The following CENPW variants were observed in gnomAD, a reference collection of about 807,000 sequenced individuals.
The protein encoded by CENPW is centromere protein W.
A neutral mutation model predicts 11.1 loss-of-function variants in CENPW; 3 were observed. That is an observed-to-expected ratio of 0.27 (90% CI 0.12 to 0.70). The LOEUF (loss-of-function observed/expected upper bound fraction) is 0.70. CENPW is among the 30% of genes least tolerant of loss of function. The pLI, the probability that CENPW is intolerant of heterozygous loss-of-function variation, is 0.77. For missense variants in CENPW, 100 were observed against 105.6 expected (o/e 0.95, Z 0.23); for synonymous variants, 38 against 42.0 (o/e 0.91, Z 0.37).
At chr6:126,481,397 G>A in the CENPW span, among the ~76,000 whole-genome samples, 9 of 152,114 alleles carry the variant, frequency 5.9e-5, no homozygotes, top group African/African-American at 2.2e-4. Context: ...ATAAAGAAAA[G>A]AGATTTATTT....
At chr6:126,431,712 C>A in the CENPW span, among the ~76,000 whole-genome samples, 2 of 152,036 alleles carry the variant, frequency 1.3e-5, no homozygotes, top group Non-Finnish European at 2.9e-5. Context: ...AAATATGCAA[C>A]CCACGTTGTT....
At chr6:126,402,939 C>A in the CENPW span, among the ~76,000 whole-genome samples, 1 of 151,922 alleles carries the variant, frequency 6.6e-6, no homozygotes, top group South Asian at 2.1e-4. Flanking sequence ...CTATCAATGC[C>A]ATTTTTTCAA....
At chr6:126,363,032 T>C in the CENPW span, among the ~76,000 whole-genome samples, 2 of 152,234 alleles carry the variant, frequency 1.3e-5, no homozygotes, top group Non-Finnish European at 2.9e-5. Flanking sequence ...CCTATGTTAG[T>C]CTCAATTTGA....
downstream of CENPW, among the ~76,000 whole-genome samples, chr6:126,353,032 A>G (rs1780509637): frequency 6.6e-6 from 1 of 152,080 alleles, no homozygotes; most frequent in South Asian, 2.1e-4. Flanking sequence ...CTAGAACCTT[A>G]GAAGGCTTTA....
At chr6:126,385,728 C>T in the CENPW span, among the ~76,000 whole-genome samples, 4 of 152,156 alleles carry the variant, frequency 2.6e-5, no homozygotes, top group South Asian at 8.3e-4. Flanking sequence ...GGCTCTTCCC[C>T]ATTTGCTTGG....
chr6:126,349,885 G>A (rs989298567), downstream of CENPW, among the ~76,000 whole-genome samples: 6 of 151,982 alleles, frequency 3.9e-5, no homozygotes, highest in Admixed American at 2.0e-4. Context: ...GAATCTTGCT[G>A]TGTCACTTAA....
chr6:126,474,532 A>T, the CENPW span, among the ~76,000 whole-genome samples: 1 of 152,110 alleles, frequency 6.6e-6, no homozygotes, highest in Non-Finnish European at 1.5e-5. Context: ...TTCCCAAAAG[A>T]GTTATTAGGG....
the CENPW span, among the ~76,000 whole-genome samples, chr6:126,445,829 T>A: frequency 1.3e-5 from 2 of 151,194 alleles, no homozygotes; most frequent in African/African-American, 4.8e-5. Flanking sequence ...TGCATTCCCA[T>A]TTGAATCGTT....
chr6:126,457,716 A>G, the CENPW span, among the ~76,000 whole-genome samples: 1,184 of 151,374 alleles, frequency 7.8e-3, 15 homozygotes, highest in African/African-American at 0.027. Flanking sequence ...ATTATCACTA[A>G]AACCACCGCT....
chr6:126,372,586 G>A, the CENPW span, among the ~76,000 whole-genome samples: 1 of 152,098 alleles, frequency 6.6e-6, no homozygotes, highest in Non-Finnish European at 1.5e-5. Context: ...CAGACAATAT[G>A]TAATATAGGT....
chr6:126,430,246 T>A, the CENPW span, among the ~76,000 whole-genome samples: 1 of 152,204 alleles, frequency 6.6e-6, no homozygotes, highest in Non-Finnish European at 1.5e-5. Context: ...CCTAGTAAAT[T>A]TATATTTACA....
At chr6:126,403,024 GT>G in the CENPW span, among the ~76,000 whole-genome samples, 1 of 151,906 alleles carries the variant, frequency 6.6e-6, no homozygotes, top group African/African-American at 2.4e-5. Context: ...ATATTATTAT[GT>G]CTTTTATGGT....
the CENPW span, among the ~76,000 whole-genome samples, chr6:126,473,854 A>C: frequency 6.7e-6 from 1 of 149,332 alleles, no homozygotes; most frequent in Non-Finnish European, 1.5e-5. Flanking sequence ...TATAGAATAT[A>C]TATGCACAGC....
downstream of CENPW, among the ~76,000 whole-genome samples, chr6:126,353,296 A>C (rs558013762): frequency 6.7e-6 from 1 of 148,228 alleles, no homozygotes; most frequent in South Asian, 2.1e-4. Flanking sequence ...TTGGTAGTAC[A>C]TTTCCTGTTT....
downstream of CENPW, among the ~76,000 whole-genome samples, chr6:126,353,658 C>G (rs1048637026): frequency 1.6e-4 from 25 of 151,960 alleles, no homozygotes; most frequent in African/African-American, 5.1e-4. Context: ...TGGCCATTCT[C>G]TTTTCATGTG....
At chr6:126,462,926 T>A in the CENPW span, among the ~76,000 whole-genome samples, 1 of 152,002 alleles carries the variant, frequency 6.6e-6, no homozygotes, top group East Asian at 1.9e-4. Context: ...AAATTTGTAT[T>A]TTGCAAATTA....
At chr6:126,454,754 C>G in the CENPW span, among the ~76,000 whole-genome samples, 2 of 150,836 alleles carry the variant, frequency 1.3e-5, no homozygotes, top group Non-Finnish European at 3.0e-5. Context: ...GAGACACAAA[C>G]AGATCATACA....
At chr6:126,344,157 A>T (rs556165983) in intron 1 of CENPW, among the ~76,000 whole-genome samples, 4 of 152,358 alleles carry the variant, frequency 2.6e-5, no homozygotes, top group African/African-American at 9.6e-5. Context: ...AAGACTAGGC[A>T]TAATTCATAT....
At chr6:126,436,809 A>G in the CENPW span, among the ~76,000 whole-genome samples, 2 of 152,056 alleles carry the variant, frequency 1.3e-5, no homozygotes, top group East Asian at 1.9e-4. Flanking sequence ...GAAAAATAGA[A>G]CTTACAGATA....
Sources: allele counts gnomAD v4.1 joint callset (sites outside exome capture counted in the v4.1 genomes callset), GRCh38; gene constraint gnomAD v4.1.1; transcripts MANE v1.5; gene names NCBI Gene and HGNC (gene_info 2026-07-23, HGNC 2026-07-21).